Variants in ANK2 observed in about 807,000 individuals in gnomAD.
ANK2 encodes ankyrin-2.
In ANK2, 83 loss-of-function variants were observed where a neutral mutation model predicts 360.5. The observed-to-expected ratio is 0.23, with a 90% CI of 0.19 to 0.28. ANK2 has a LOEUF of 0.28. ANK2 is among the 10% of genes least tolerant of loss of function. The pLI is 1.00. For synonymous variants in ANK2, 1,740 were observed against 1,759.5 expected (o/e 0.99, Z 0.28); for missense variants, 4,201 against 4,795.7 (o/e 0.88, Z 3.66).
intron 1 of ANK2, among the ~76,000 whole-genome samples, chr4:112,876,329 A>T (rs1560902822): frequency 6.6e-6 from 1 of 152,180 alleles, no homozygotes. Flanking sequence ...AACTTTGCAT[A>T]TACTGTGGGA....
chr4:113,006,611 G>A (rs780180729), intron 2 of ANK2, among the ~76,000 whole-genome samples: 7 of 152,078 alleles, frequency 4.6e-5, no homozygotes, highest in Non-Finnish European at 1.0e-4. Context: ...GGGCAATTTG[G>A]CAATATCTAT....
chr4:112,960,221 A>G (rs1349517955), intron 2 of ANK2, among the ~76,000 whole-genome samples: 1 of 152,102 alleles, frequency 6.6e-6, no homozygotes, highest in Non-Finnish European at 1.5e-5. Flanking sequence ...AGGCTGGAGG[A>G]CCTGCATATA....
At chr4:112,809,648 G>A in the ANK2 span, among the ~76,000 whole-genome samples, 1 of 150,670 alleles carries the variant, frequency 6.6e-6, no homozygotes, top group South Asian at 2.1e-4. Context: ...TTAGGAGGCC[G>A]CGGCGGACAG....
At chr4:113,108,046 A>T (rs1196995722) in intron 1 of ANK2, among the ~76,000 whole-genome samples, 1 of 152,226 alleles carries the variant, frequency 6.6e-6, no homozygotes, top group Admixed American at 6.5e-5. Flanking sequence ...TAAGTTGGAC[A>T]TTCGTTTACC....
chr4:112,744,988 C>A, the ANK2 span, among the ~76,000 whole-genome samples: 1 of 152,138 alleles, frequency 6.6e-6, no homozygotes, highest in African/African-American at 2.4e-5. Context: ...GTGTTTTGCT[C>A]TATTGATTTG....
At chr4:113,297,319 C>A (rs1000815882) in intron 22 of ANK2, among the ~76,000 whole-genome samples, 3 of 152,144 alleles carry the variant, frequency 2.0e-5, no homozygotes, top group Non-Finnish European at 4.4e-5. Flanking sequence ...AAAAGACATA[C>A]TTAGTGCAGA....
At chr4:113,083,655 G>A (rs1408889711) in intron 1 of ANK2, among the ~76,000 whole-genome samples, 2 of 152,170 alleles carry the variant, frequency 1.3e-5, no homozygotes, top group East Asian at 3.8e-4. Flanking sequence ...TCAAAATCAT[G>A]TGGGCATTGA....
chr4:112,785,054 T>C, the ANK2 span, among the ~76,000 whole-genome samples: 1 of 152,166 alleles, frequency 6.6e-6, no homozygotes, highest in Admixed American at 6.5e-5. Context: ...AAAATTATAA[T>C]ATATTATAGC....
chr4:112,968,808 A>G (rs2154264815), intron 2 of ANK2, among the ~76,000 whole-genome samples: 1 of 152,284 alleles, frequency 6.6e-6, no homozygotes, highest in South Asian at 2.1e-4. Flanking sequence ...TAATATTTTT[A>G]CTTGCCCTAT....
chr4:113,087,922 T>C (rs1435218883), intron 1 of ANK2, among the ~76,000 whole-genome samples: 2 of 152,206 alleles, frequency 1.3e-5, no homozygotes, highest in African/African-American at 4.8e-5. Flanking sequence ...AAATGAATTA[T>C]AAATAAATTC....
At chr4:112,802,627 AACTT>A in the ANK2 span, among the ~76,000 whole-genome samples, 1 of 150,406 alleles carries the variant, frequency 6.6e-6, no homozygotes, top group African/African-American at 2.5e-5. Context: ...TGCACAAAGC[AACTT>A]ACTTTTATGA....
At chr4:112,766,591 A>C in the ANK2 span, among the ~76,000 whole-genome samples, 1 of 152,002 alleles carries the variant, frequency 6.6e-6, no homozygotes, top group African/African-American at 2.4e-5. Flanking sequence ...CTGGGTATTG[A>C]CTTCACTTTC....
the ANK2 span, among the ~76,000 whole-genome samples, chr4:112,767,182 A>G: frequency 6.6e-6 from 1 of 152,160 alleles, no homozygotes; most frequent in African/African-American, 2.4e-5. Context: ...TTTGTTATCA[A>G]ATTCCTAGTA....
chr4:113,201,984 C>T (rs2098836450), intron 4 of ANK2, among the ~76,000 whole-genome samples: 1 of 152,074 alleles, frequency 6.6e-6, no homozygotes, highest in African/African-American at 2.4e-5. Context: ...CAAATAGCTT[C>T]AAACTAACAT....
At chr4:112,958,623 GGGGAGAGGGAGA>G (rs756617429) in intron 2 of ANK2, among the ~76,000 whole-genome samples, 6 of 151,718 alleles carry the variant, frequency 4.0e-5, no homozygotes, top group African/African-American at 1.2e-4. Flanking sequence ...GAGGGAGAGG[GGGGAGAGGGAGA>G]GGGAGAGGGA....
intron 1 of ANK2, among the ~76,000 whole-genome samples, chr4:113,071,419 C>G (rs907706664): frequency 1.3e-5 from 2 of 152,176 alleles, no homozygotes; most frequent in African/African-American, 4.8e-5. Context: ...AGAGATCAGG[C>G]AGGGCTTCAT....
At chr4:113,287,178 A>G (rs1315251957) in intron 18 of ANK2, among the ~76,000 whole-genome samples, 1 of 152,150 alleles carries the variant, frequency 6.6e-6, no homozygotes, top group Non-Finnish European at 1.5e-5. Flanking sequence ...TTTTACACTG[A>G]TGTGATATTT....
intron 36 of ANK2, among the ~76,000 whole-genome samples, chr4:113,349,051 C>T (rs1482404782): frequency 6.6e-6 from 1 of 152,142 alleles, no homozygotes; most frequent in Admixed American, 6.6e-5. Context: ...GGGATCTTTA[C>T]TAAGTGTTGC....
At chr4:113,249,307 C>T (rs556099924) in intron 9 of ANK2, among the ~76,000 whole-genome samples, 7 of 152,122 alleles carry the variant, frequency 4.6e-5, no homozygotes, top group East Asian at 1.9e-4. Context: ...GAAAAAATTA[C>T]GCTAAGAAAA....
Sources: gnomAD v4.1 joint callset for allele counts (sites outside exome capture counted in the v4.1 genomes callset) on GRCh38, gnomAD v4.1.1 for gene constraint, MANE v1.5 for transcripts, NCBI Gene and HGNC (gene_info 2026-07-23, HGNC 2026-07-21) for gene names.